The following CTNNA1 variants were observed in gnomAD, a reference collection of about 807,000 sequenced individuals.
CTNNA1 encodes the protein catenin alpha 1, also known as catenin alpha-1.
In CTNNA1, 37 loss-of-function variants were observed where a neutral mutation model predicts 98.4. The ratio of observed to expected loss-of-function variants is 0.38; its 90% CI spans 0.29 to 0.49. The LOEUF is 0.49. Among genes scored for constraint, CTNNA1 ranks in the 20% least tolerant of loss-of-function variants. CTNNA1 has a pLI of 0.95. For missense variants in CTNNA1, 761 were observed against 1,147.2 expected, an observed-to-expected ratio of 0.66 and a Z score of 4.86; for synonymous variants, 404 against 413.2, an observed-to-expected ratio of 0.98 and a Z score of 0.27.
intron 3 of CTNNA1, among the ~76,000 whole-genome samples, chr5:138,798,196 A>T (rs1431788176): frequency 6.6e-6 from 1 of 152,020 alleles, no homozygotes; most frequent in Non-Finnish European, 1.5e-5. Context: ...GGGGGCACAG[A>T]AGTATTTGTT....
chr5:138,846,853 T>G (rs924830276), intron 7 of CTNNA1, among the ~76,000 whole-genome samples: 1 of 152,184 alleles, frequency 6.6e-6, no homozygotes, highest in Non-Finnish European at 1.5e-5. Flanking sequence ...GAAAAAGTGT[T>G]AGATCTCTAC....
intron 3 of CTNNA1, among the ~76,000 whole-genome samples, chr5:138,800,334 A>G (rs114583386): frequency 6.6e-6 from 1 of 152,254 alleles, no homozygotes; most frequent in Non-Finnish European, 1.5e-5. Context: ...CAAAGTCATT[A>G]TATGACAATT....
chr5:138,848,143 A>T lies in CTNNA1; in HGVS notation c.1062+20425A>T, dbSNP rs550790525. 7.9e-5 allele frequency among the ~76,000 whole-genome samples: 10 copies of T among 126,154 alleles called. No homozygotes were observed. The East Asian group carries it at 2.8e-3, about 35-fold the overall frequency. 82.8% of individuals were successfully genotyped at this position (126,154 alleles called of 152,430 possible). Reference sequence around the variant, plus strand: ...TAAAGATAAATTTGTTATTGAAGGGATTTTCTATGGAGAGACTGTTCTAGT... The same window carrying T: ...TAAAGATAAATTTGTTATTGAAGGGTTTTTCTATGGAGAGACTGTTCTAGT... On this transcript the variant is annotated intron_variant, in intron 7 of 17. Transcript: ENST00000302763.
At position 138,917,729 on chromosome 5, in the gene CTNNA1, A is replaced by G. The variant is rs2150233435; in HGVS notation, c.1390-13A>G. The stretch of plus-strand genomic sequence containing the variant: ...GAAAAAGAGTAAACAGTGAAGTTTA[A>G]TATCTTTTGCAGGTTATTAATGCTG... On this transcript the variant is annotated splice_polypyrimidine_tract_variant and intron_variant, in intron 10 of 17. Coordinates refer to ENST00000302763, the MANE Select transcript of CTNNA1 (RefSeq NM_001903.5). The G allele has an allele frequency of 1.2e-6, 2 of 1,613,058 alleles. No individual in the cohort carries two copies. The highest frequency in any genetic ancestry group is 2.2e-5 in the South Asian group (2 of 90,894).
At chr5:138,928,608 T>G (rs1764630742) in intron 13 of CTNNA1, among the ~76,000 whole-genome samples, 1 of 152,224 alleles carries the variant, frequency 6.6e-6, no homozygotes. Context: ...TGTCTTAAAA[T>G]GCCGGTGTTG....
chr5:138,849,236 A>AT (rs1424809835), intron 7 of CTNNA1, among the ~76,000 whole-genome samples: 1 of 152,062 alleles, frequency 6.6e-6, no homozygotes, highest in Non-Finnish European at 1.5e-5. Flanking sequence ...TTTCATGTTC[A>AT]TTTTTTATAA....
intron 7 of CTNNA1, among the ~76,000 whole-genome samples, chr5:138,841,762 G>C (rs1311105149): frequency 6.6e-6 from 1 of 152,138 alleles, no homozygotes; most frequent in Non-Finnish European, 1.5e-5. Context: ...CAGATGTTTT[G>C]AAATGATTGG....
rs1355350905 is a variant in CTNNA1 at position 138,873,196 on chromosome 5, A to G, written c.1063-13016A>G. On this transcript the variant is annotated intron_variant, in intron 7 of 17. Coordinates refer to ENST00000302763, the MANE Select transcript of CTNNA1 (RefSeq NM_001903.5). The surrounding 1 kb of genome is among the most constrained non-coding windows in gnomAD (Gnocchi z 6.1). Reference sequence around the variant, plus strand: ...GGTTCTGAACCATTGAGCACTGCCTAATTCTTCTTAAAGTGGGAGGGCAGC... The same window carrying G: ...GGTTCTGAACCATTGAGCACTGCCTGATTCTTCTTAAAGTGGGAGGGCAGC... 1 of 1,613,972 alleles carries G rather than the reference A, an allele frequency of 6.2e-7. No homozygotes were observed. The highest frequency in any genetic ancestry group is 8.5e-7 in the Non-Finnish European group (1 of 1,179,874).
intron 3 of CTNNA1, among the ~76,000 whole-genome samples, chr5:138,787,459 C>T (rs1217978484): frequency 6.6e-6 from 1 of 152,010 alleles, no homozygotes; most frequent in African/African-American, 2.4e-5. Flanking sequence ...TAATATTCAG[C>T]TCTGCTGTTG....
chr5:138,787,372 C>T (rs1317190182), intron 3 of CTNNA1, among the ~76,000 whole-genome samples: 1 of 151,986 alleles, frequency 6.6e-6, no homozygotes, highest in Non-Finnish European at 1.5e-5. Flanking sequence ...GAGCCGAGAC[C>T]GTGCCACTGC....
intron 7 of CTNNA1, among the ~76,000 whole-genome samples, chr5:138,881,736 T>C (rs1022642457): frequency 2.0e-5 from 3 of 151,084 alleles, no homozygotes; most frequent in Non-Finnish European, 2.9e-5. Flanking sequence ...TCTTATTTGG[T>C]CTTGTAAAAT....
At chr5:138,772,461 G>A (rs190569444) in intron 1 of CTNNA1, among the ~76,000 whole-genome samples, 1 of 152,200 alleles carries the variant, frequency 6.6e-6, no homozygotes, top group Non-Finnish European at 1.5e-5. Context: ...AAAGTTATTT[G>A]TTTAGTTACT....
intron 16 of CTNNA1, chr5:138,931,500 C>T (rs962221977): frequency 3.3e-5 from 24 of 716,422 alleles, no homozygotes; most frequent in Non-Finnish European, 4.1e-5. Flanking sequence ...CTCATCTAGG[C>T]CACAGGATGT....
chr5:138,759,861 A>G (rs1042433507), intron 1 of CTNNA1, among the ~76,000 whole-genome samples: 27 of 151,950 alleles, frequency 1.8e-4, no homozygotes, highest in Admixed American at 1.3e-4. Flanking sequence ...TTTCTTCAAC[A>G]GTCCCCAGAA....
chr5:138,872,738 T>G, intron 7 of CTNNA1: 1 of 311,814 alleles, frequency 3.2e-6, no homozygotes, highest in Non-Finnish European at 5.9e-6. Context: ...TTACACACGA[T>G]TGTATATAAT....
At chr5:138,767,851 C>G (rs1210416268) in intron 1 of CTNNA1, among the ~76,000 whole-genome samples, 1 of 152,192 alleles carries the variant, frequency 6.6e-6, no homozygotes, top group Non-Finnish European at 1.5e-5. Context: ...CTGTCACACT[C>G]AAGACCTTTT....
rs1225497664 is a variant in CTNNA1, at chr5:138,887,703, A to G, written c.1296+61A>G. 1.3e-5 allele frequency: 18 copies of G among 1,434,510 alleles called. No homozygotes were observed. The East Asian group carries it at 3.7e-4, about 30-fold the overall frequency. 88.9% of individuals were successfully genotyped at this position (1,434,510 alleles called of 1,614,324 possible). On this transcript the variant is annotated intron_variant, in intron 9 of 17. Transcript: ENST00000302763. The stretch of plus-strand genomic sequence containing the variant: ...ACTTGGTGAAGTGTGGTGAGTTTTA[A>G]TCACATTATTTAATCAGTTAAAATT...
At chr5:138,846,522 A>C (rs537064141) in intron 7 of CTNNA1, among the ~76,000 whole-genome samples, 1 of 152,334 alleles carries the variant, frequency 6.6e-6, no homozygotes, top group South Asian at 2.1e-4. Context: ...GTAGGAGTTC[A>C]GGCAATTTGT....
intron 10 of CTNNA1, among the ~76,000 whole-genome samples, chr5:138,908,009 G>A (rs1358524387): frequency 4.7e-5 from 7 of 149,900 alleles, no homozygotes; most frequent in South Asian, 4.3e-4. Context: ...ACAGAGTCTC[G>A]CTCTGTCACC....
Sources: allele counts gnomAD v4.1 joint callset (sites outside exome capture counted in the v4.1 genomes callset), GRCh38; gene constraint gnomAD v4.1.1; non-coding constraint Gnocchi (gnomAD v3.1); transcripts MANE v1.5; gene names NCBI Gene and HGNC (gene_info 2026-07-23, HGNC 2026-07-21).